TIPIN: variants seen among roughly 807,000 people sequenced by gnomAD.
The protein encoded by TIPIN is TIMELESS interacting protein, also known as TIMELESS-interacting protein.
In TIPIN, 29 loss-of-function variants were observed where a neutral mutation model predicts 35.6. The observed-to-expected ratio is 0.82, with a 90% CI of 0.61 to 1.11. The LOEUF (loss-of-function observed/expected upper bound fraction) is 1.11, where lower values mean the gene tolerates loss of function less well. Ranked by LOEUF, TIPIN falls within the 50% of genes most tolerant of loss-of-function variation. The pLI is 0.00. For synonymous variants in TIPIN, 102 were observed against 121.5 expected, an observed-to-expected ratio of 0.84 and a Z score of 1.06; for missense variants, 296 against 345.4, an observed-to-expected ratio of 0.86 and a Z score of 1.13.
At chr15:66,359,629 G>A (rs1343018624), upstream of TIPIN, among the ~76,000 whole-genome samples, 5 of 152,104 alleles carry the variant, frequency 3.3e-5, no homozygotes, top group African/African-American at 9.7e-5. Context: ...GATTACAGGC[G>A]TGAGTCACCT....
chr15:66,385,608 C>T (rs1018156200), intron 1 of TIPIN, among the ~76,000 whole-genome samples: 2 of 151,714 alleles, frequency 1.3e-5, no homozygotes, highest in African/African-American at 4.8e-5. Context: ...TCTGCCTCAG[C>T]CCCCCAAGTA....
At chr15:66,337,245 C>T (rs1045851901) in intron 7 of TIPIN, 64 bp from the exon 8 acceptor site, 12 of 1,273,642 alleles carry the variant, frequency 9.4e-6, no homozygotes, top group Non-Finnish European at 1.3e-5. Flanking sequence ...CGCATGAGTA[C>T]AAACCTCTTC....
At chr15:66,378,177 AT>A (rs1413955867) in intron 1 of TIPIN, among the ~76,000 whole-genome samples, 1 of 152,056 alleles carries the variant, frequency 6.6e-6, no homozygotes, top group Non-Finnish European at 1.5e-5. Context: ...TAATTTTTGT[AT>A]TTTTAGTAGA....
chr15:66,368,269 C>T (rs2093265178), intron 1 of TIPIN, among the ~76,000 whole-genome samples: 1 of 151,396 alleles, frequency 6.6e-6, no homozygotes, highest in Non-Finnish European at 1.5e-5. Flanking sequence ...CCTATAATCC[C>T]AGCACTTTGG....
rs2063690 is a variant in TIPIN at position 66,349,394 on chromosome 15, G to T, written c.332C>A (p.Ala111Glu). Residue 111 changes from alanine (A) to glutamate (E), a missense_variant, in exon 5 of 8, where the codon GCA becomes GAA. By Grantham distance (107) the Ala-to-Glu change is moderately radical. Coordinates refer to ENST00000261881, the MANE Select transcript of TIPIN (RefSeq NM_017858.3). ...CTGCAGTTTAGGGAATAGCCTATGT[G>T]CCCAGTGCTCCATGTGTCTGATTAG... ...KMLIRHMEHW[A>E]HRLFPKLQFE... The T allele has an allele frequency of 3.1e-6, 5 of 1,613,646 alleles. No individual in the cohort carries two copies. The East Asian group carries it at 8.9e-5, about 29-fold the overall frequency.
chr15:66,345,847 A>T (rs1444372887), intron 6 of TIPIN, among the ~76,000 whole-genome samples: 1 of 152,254 alleles, frequency 6.6e-6, no homozygotes, highest in Non-Finnish European at 1.5e-5. Flanking sequence ...TACAAATTAA[A>T]TATATGACAC....
intron 1 of TIPIN, among the ~76,000 whole-genome samples, chr15:66,366,432 C>A (rs192502795): frequency 6.6e-6 from 1 of 151,280 alleles, no homozygotes; most frequent in Admixed American, 6.6e-5. Flanking sequence ...CTAGCCTGGG[C>A]AACAGAGTGA....
chr15:66,373,790 A>C (rs569810957), intron 1 of TIPIN, among the ~76,000 whole-genome samples: 3 of 152,234 alleles, frequency 2.0e-5, no homozygotes, highest in African/African-American at 7.2e-5. Context: ...GCAGCCTCCA[A>C]CTACTGGGTG....
In TIPIN at chr15:66,337,332, T is replaced by A. The variant is rs1005184363; in HGVS notation, c.683-151A>T. 1,087 of 537,322 alleles carry A rather than the reference T, an allele frequency of 2.0e-3. 8 individuals are homozygous for A. Among genetic ancestry groups the A allele is most frequent in the Non-Finnish European group, 1.4e-3 (481 of 331,770 alleles). 33.3% of individuals were successfully genotyped at this position (537,322 alleles called of 1,614,324 possible). The stretch of plus-strand genomic sequence containing the variant: ...ATCACTTTCTTCTAAATATATCTTT[T>A]TTTTTTTTTTTGAGATGGAGTCTCG... On this transcript the variant is annotated intron_variant, in intron 7 of 7. Transcript: ENST00000261881.
intron 7 of TIPIN, among the ~76,000 whole-genome samples, chr15:66,338,661 A>C (rs1483919994): frequency 1.3e-5 from 2 of 151,606 alleles, no homozygotes; most frequent in African/African-American, 4.9e-5. Flanking sequence ...AAAAATACAA[A>C]AAATTAGCCA....
Position 66,341,374 on chromosome 15 carries a change from T to C in TIPIN, c.476-18A>G. 3 of 1,597,468 alleles carry C rather than the reference T, an allele frequency of 1.9e-6. No individual in the cohort carries two copies. Among genetic ancestry groups the C allele is most frequent in the Non-Finnish European group, 2.6e-6 (3 of 1,170,908 alleles). ...AACTTCATCTGCAATAGAAAAGAAA[T>C]AGTACATCTGTGGTGTTAGACTAGT... On this transcript the variant is annotated intron_variant, in intron 6 of 7. Coordinates refer to ENST00000261881, the MANE Select transcript of TIPIN (RefSeq NM_017858.3).
intron 1 of TIPIN, among the ~76,000 whole-genome samples, chr15:66,372,816 T>C (rs1364722782): frequency 1.3e-5 from 2 of 151,896 alleles, no homozygotes; most frequent in South Asian, 2.1e-4. Context: ...GGCAGGAGAA[T>C]TGCTTGAACC....
chr15:66,368,808 C>T (rs1356253816), intron 1 of TIPIN, among the ~76,000 whole-genome samples: 2 of 152,060 alleles, frequency 1.3e-5, no homozygotes, highest in African/African-American at 4.8e-5. Context: ...TTGAAAATGT[C>T]CTAGCCAAAC....
At chr15:66,338,561 TC>T (rs987725771) in intron 7 of TIPIN, among the ~76,000 whole-genome samples, 5 of 152,178 alleles carry the variant, frequency 3.3e-5, no homozygotes, top group Non-Finnish European at 2.9e-5. Flanking sequence ...ACACCTGTAA[TC>T]CCAGCACTTT....
intron 1 of TIPIN, among the ~76,000 whole-genome samples, chr15:66,371,670 T>C (rs12911588): frequency 0.98 from 149,454 of 151,862 alleles, 73,599 homozygotes; most frequent in Middle Eastern, 1. Flanking sequence ...CCCGCCACCA[T>C]GCCTGGCTAA....
chr15:66,350,387 C>T (rs1041388254), intron 4 of TIPIN, among the ~76,000 whole-genome samples: 1 of 151,098 alleles, frequency 6.6e-6, no homozygotes, highest in African/African-American at 2.4e-5. Context: ...GGGTGGATGA[C>T]CTGAGTCAGG....
At chr15:66,379,541 C>T in intron 1 of TIPIN, 1 of 1,609,822 alleles carries the variant, frequency 6.2e-7, no homozygotes, top group Non-Finnish European at 8.5e-7. Context: ...TCATCCGCAC[C>T]CTGCGGATGT....
intron 1 of TIPIN, among the ~76,000 whole-genome samples, chr15:66,383,987 TATTTATTTA>T (rs1489549163): frequency 6.6e-6 from 1 of 152,094 alleles, no homozygotes; most frequent in African/African-American, 2.4e-5. Flanking sequence ...AATTTATTTT[TATTTATTTA>T]ATTTATTTAT....
At position 66,356,169 on chromosome 15, in the gene TIPIN, G is replaced by A. The variant is rs1226973044; in HGVS notation, c.-9+470C>T. Reference sequence around the variant, plus strand: ...TCTTTTCCAAGAAGTCCAAAGAGACGCCCCTCATCGCAAAGGAAGTGCTAC... The same window carrying A: ...TCTTTTCCAAGAAGTCCAAAGAGACACCCCTCATCGCAAAGGAAGTGCTAC... On this transcript the variant is annotated intron_variant, in intron 1 of 7. Coordinates refer to ENST00000261881, the MANE Select transcript of TIPIN (RefSeq NM_017858.3). 1.3e-5 allele frequency among the ~76,000 whole-genome samples: 2 copies of A among 151,954 alleles called. 1 individual carries two copies. Among genetic ancestry groups the A allele is most frequent in the Admixed American group, 1.3e-4 (2 of 15,214 alleles).
Sources: allele counts gnomAD v4.1 joint callset (sites outside exome capture counted in the v4.1 genomes callset), GRCh38; gene constraint gnomAD v4.1.1; transcripts MANE v1.5; gene names NCBI Gene and HGNC (gene_info 2026-07-23, HGNC 2026-07-21).